The following ZNF521 variants were observed in gnomAD, a reference collection of about 807,000 sequenced individuals.
ZNF521 encodes zinc finger protein 521.
A neutral mutation model predicts 105.5 loss-of-function variants in ZNF521; 14 were observed. The observed-to-expected ratio is 0.13, with a 90% confidence interval of 0.09 to 0.21. The LOEUF is 0.21. Ranked by LOEUF, ZNF521 falls within the 10% of genes least tolerant of loss-of-function variation. ZNF521 has a pLI of 1.00. For missense variants in ZNF521, 1,233 were observed against 1,629.7 expected, an observed-to-expected ratio of 0.76 and a Z score of 4.19; for synonymous variants, 635 against 606.0, an observed-to-expected ratio of 1.05 and a Z score of -0.70.
At chr18:25,124,836 A>C (rs1013783221) in intron 5 of ZNF521, among the ~76,000 whole-genome samples, 13 of 152,180 alleles carry the variant, frequency 8.5e-5, no homozygotes, top group African/African-American at 3.1e-4. Flanking sequence ...CCTGATTTTA[A>C]ACCATAGGTG....
intron 5 of ZNF521, among the ~76,000 whole-genome samples, chr18:25,152,543 A>G (rs2035068744): frequency 6.6e-6 from 1 of 152,078 alleles, no homozygotes; most frequent in Admixed American, 6.6e-5. Flanking sequence ...CTAAAACTAA[A>G]TGCCCCTCCC....
intron 3 of ZNF521, among the ~76,000 whole-genome samples, chr18:25,309,614 A>G (rs1177069351): frequency 6.6e-6 from 1 of 152,240 alleles, no homozygotes; most frequent in Non-Finnish European, 1.5e-5. Flanking sequence ...TTTAATAACC[A>G]GCATAAAACA....
intron 4 of ZNF521, among the ~76,000 whole-genome samples, chr18:25,207,984 T>C (rs2036112531): frequency 6.6e-6 from 1 of 152,152 alleles, no homozygotes; most frequent in African/African-American, 2.4e-5. Flanking sequence ...AGGTGAGAAG[T>C]GTTAAGAAAA....
chr18:25,137,386 G>A (rs1213011265), intron 5 of ZNF521, among the ~76,000 whole-genome samples: 1 of 152,146 alleles, frequency 6.6e-6, no homozygotes, highest in Non-Finnish European at 1.5e-5. Context: ...ATATTTGGAA[G>A]TAGGCTGCCC....
intron 5 of ZNF521, among the ~76,000 whole-genome samples, chr18:25,192,004 G>A (rs2035826750): frequency 6.6e-6 from 1 of 152,138 alleles, no homozygotes; most frequent in African/African-American, 2.4e-5. Flanking sequence ...TATGTGAAAT[G>A]AGCAAAGGAA....
intron 5 of ZNF521, among the ~76,000 whole-genome samples, chr18:25,122,646 T>TCCA (rs1465401072): frequency 6.6e-6 from 1 of 152,210 alleles, no homozygotes; most frequent in Admixed American, 6.5e-5. Flanking sequence ...GACCTGAATG[T>TCCA]TGATCTATTA....
chr18:25,234,482 G>A (rs1309863348), intron 3 of ZNF521, among the ~76,000 whole-genome samples: 3 of 152,042 alleles, frequency 2.0e-5, no homozygotes, highest in Non-Finnish European at 1.5e-5. Context: ...CACCTACTAT[G>A]TGTTCAGGTC....
intron 3 of ZNF521, among the ~76,000 whole-genome samples, chr18:25,286,215 A>G (rs1211198661): frequency 6.6e-6 from 1 of 152,200 alleles, no homozygotes; most frequent in East Asian, 1.9e-4. Flanking sequence ...GAGAGAGTCG[A>G]TAAGGGGAAG....
intron 5 of ZNF521, among the ~76,000 whole-genome samples, chr18:25,178,108 G>A (rs536790523): frequency 6.6e-6 from 1 of 152,232 alleles, no homozygotes; most frequent in African/African-American, 2.4e-5. Context: ...ATCATAAATC[G>A]TATTGTCAAG....
chr18:25,190,924 T>C (rs1224468996), intron 5 of ZNF521, among the ~76,000 whole-genome samples: 4 of 152,242 alleles, frequency 2.6e-5, no homozygotes, highest in African/African-American at 4.8e-5. Context: ...ACCGAGTATT[T>C]ATTAGAGATA....
chr18:25,277,098 G>A (rs1268866594), intron 3 of ZNF521, among the ~76,000 whole-genome samples: 2 of 151,334 alleles, frequency 1.3e-5, no homozygotes, highest in South Asian at 2.1e-4. Flanking sequence ...CAGGACAATC[G>A]CTTGAACCTG....
At chr18:25,107,273 T>C (rs1006554926) in intron 5 of ZNF521, among the ~76,000 whole-genome samples, 32 of 152,242 alleles carry the variant, frequency 2.1e-4, no homozygotes, top group African/African-American at 7.5e-4. Flanking sequence ...ACTCAGTAAA[T>C]GTGAGTTATT....
chr18:25,286,004 C>T (rs563717275), intron 3 of ZNF521, among the ~76,000 whole-genome samples: 2 of 152,288 alleles, frequency 1.3e-5, no homozygotes, highest in African/African-American at 2.4e-5. Flanking sequence ...TAGTGATGTA[C>T]GACTTAATAA....
At chr18:25,347,344 G>A (rs757214829) in intron 2 of ZNF521, among the ~76,000 whole-genome samples, 5 of 152,146 alleles carry the variant, frequency 3.3e-5, no homozygotes, top group African/African-American at 9.7e-5. Context: ...CAGAAGATTC[G>A]TACCATAAGG....
At chr18:25,067,677 G>A (rs1462524601) in intron 7 of ZNF521, among the ~76,000 whole-genome samples, 1 of 152,112 alleles carries the variant, frequency 6.6e-6, no homozygotes, top group Non-Finnish European at 1.5e-5. Context: ...TTGAATTTTT[G>A]CACCTACATC....
At chr18:25,233,214 TA>T (rs1906650565) in intron 3 of ZNF521, among the ~76,000 whole-genome samples, 1 of 152,046 alleles carries the variant, frequency 6.6e-6, no homozygotes, top group African/African-American at 2.4e-5. Context: ...TTTAAATTGC[TA>T]AAAGATAAGG....
At chr18:25,240,283 A>T (rs970425707) in intron 3 of ZNF521, among the ~76,000 whole-genome samples, 1 of 152,144 alleles carries the variant, frequency 6.6e-6, no homozygotes, top group African/African-American at 2.4e-5. Context: ...CACATGAGGC[A>T]CTTCTGCCTT....
intron 7 of ZNF521, among the ~76,000 whole-genome samples, chr18:25,083,591 A>C (rs1478121406): frequency 1.3e-5 from 2 of 152,216 alleles, no homozygotes; most frequent in Non-Finnish European, 2.9e-5. Context: ...GGGAAGATTT[A>C]TAACAATTGA....
chr18:25,156,681 CAT>C (rs2035150876), intron 5 of ZNF521, among the ~76,000 whole-genome samples: 2 of 151,908 alleles, frequency 1.3e-5, no homozygotes, highest in Admixed American at 1.3e-4. Flanking sequence ...AATTGTTTTT[CAT>C]ATATATGGAA....
Sources: allele counts gnomAD v4.1 joint callset (sites outside exome capture counted in the v4.1 genomes callset), GRCh38; gene constraint gnomAD v4.1.1; transcripts MANE v1.5; gene names NCBI Gene and HGNC (gene_info 2026-07-23, HGNC 2026-07-21).